The following KCNQ1 variants were observed in gnomAD, a reference collection of about 807,000 sequenced individuals.
The protein encoded by KCNQ1 is potassium voltage-gated channel subfamily Q member 1.
KCNQ1 carries 49 observed loss-of-function variants against 72.4 expected under a neutral mutation model. The ratio of observed to expected loss-of-function variants is 0.68; its 90% CI spans 0.54 to 0.86. KCNQ1 has a LOEUF of 0.86. Among genes scored for constraint, KCNQ1 ranks in the 40% least tolerant of loss-of-function variants. KCNQ1 has a pLI of 0.00. For synonymous variants in KCNQ1, 450 were observed against 412.6 expected, an observed-to-expected ratio of 1.09 and a Z score of -1.10; for missense variants, 790 against 945.1, an observed-to-expected ratio of 0.84 and a Z score of 2.15.
At position 2,691,101 on chromosome 11, in the gene KCNQ1, A is replaced by G; in HGVS notation, c.1514+29020A>G. ...TCTAGATGCCTGCAGATTCCTGACA[A>G]CAGTAGGGGTGGAGGCTGTGCAGAC... On this transcript the variant is annotated intron_variant, in intron 11 of 15. Coordinates refer to ENST00000155840, the MANE Select transcript of KCNQ1 (RefSeq NM_000218.3). This position sits in a 1 kb window ranked among gnomAD's most constrained non-coding sequence, Gnocchi z 6.4. 2.5e-6 allele frequency: 1 copy of G among 398,696 alleles called. No homozygotes were observed. The allele number at this position is 398,696 out of a possible 1,614,324, so 24.7% of individuals were successfully genotyped here. A position where few individuals can be genotyped will look rare whatever the true frequency, so the allele number is the denominator to read the frequency against.
rs1848761189 is a variant in KCNQ1 at position 2,598,523 on chromosome 11, A to G, written c.1393+9669A>G. Among the ~76,000 whole-genome samples, 1 of 151,718 alleles carries G rather than the reference A, an allele frequency of 6.6e-6. No homozygotes were observed. Among genetic ancestry groups the G allele is most frequent in the South Asian group, 2.1e-4 (1 of 4,808 alleles). Reference sequence around the variant, plus strand: ...TTGTATAACACAAAGTTTTATTTGTATACATGGACAGACAAAATGTACATT... The same window carrying G: ...TTGTATAACACAAAGTTTTATTTGTGTACATGGACAGACAAAATGTACATT... On this transcript the variant is annotated intron_variant, in intron 10 of 15. Coordinates refer to ENST00000155840, the MANE Select transcript of KCNQ1 (RefSeq NM_000218.3). This position sits in a 1 kb window ranked among gnomAD's most constrained non-coding sequence, Gnocchi z 6.2.
At chr11:2,636,837 CTA>C (rs1849476220) in intron 10 of KCNQ1, 1 of 152,164 alleles carries the variant, frequency 6.6e-6, no homozygotes, top group African/African-American at 2.4e-5. Flanking sequence ...GGTTGGTAGA[CTA>C]TTAATTATTG....
Position 2,767,350 on chromosome 11 carries a change from C to A in KCNQ1, c.1515-1494C>A, listed in dbSNP as rs148518819. ...TTCCAAAAGGACATGAATTATATAC[C>A]GTGTACATTCCCCAGTACTCTTTCA... On this transcript the variant is annotated intron_variant, in intron 11 of 15. Coordinates refer to ENST00000155840, the MANE Select transcript of KCNQ1 (RefSeq NM_000218.3). This position sits in a 1 kb window ranked among gnomAD's most constrained non-coding sequence, Gnocchi z 4.6. Among the ~76,000 whole-genome samples the A allele has an allele frequency of 6.6e-6, 1 of 152,096 alleles. No individual in the cohort carries two copies. Among genetic ancestry groups the A allele is most frequent in the Non-Finnish European group, 1.5e-5 (1 of 68,032 alleles).
At chr11:2,553,394 G>A (rs530097723) in intron 2 of KCNQ1, among the ~76,000 whole-genome samples, 47 of 152,206 alleles carry the variant, frequency 3.1e-4, no homozygotes, top group African/African-American at 1.1e-3. Context: ...GGTGGGAGCT[G>A]TAGGGTTTTA....
rs144129592 is a variant in KCNQ1, at chr11:2,522,021, C to T, written c.387-5907C>T. 3.3e-5 allele frequency among the ~76,000 whole-genome samples: 5 copies of T among 152,348 alleles called. No homozygotes were observed. In the East Asian group the frequency reaches 9.7e-4, roughly 29 times the overall value. ...CTCGGGCTATGACCCTGGCAGGGTTCCTGCATTCTCCTGTGTTCCCGGGCA... is the reference window on the plus strand; with the variant it reads ...CTCGGGCTATGACCCTGGCAGGGTTTCTGCATTCTCCTGTGTTCCCGGGCA... On this transcript the variant is annotated intron_variant, in intron 1 of 15. Transcript: ENST00000155840.
Position 2,678,235 on chromosome 11 carries a change from T to C in KCNQ1, c.1514+16154T>C. ...TGTGTCAGTCTTTTATGGTTTGAGGTCCTTATCTTAAATTCTGAAATAACC... is the reference window on the plus strand; with the variant it reads ...TGTGTCAGTCTTTTATGGTTTGAGGCCCTTATCTTAAATTCTGAAATAACC... On this transcript the variant is annotated intron_variant, in intron 11 of 15. Coordinates refer to ENST00000155840, the MANE Select transcript of KCNQ1 (RefSeq NM_000218.3). The surrounding 1 kb of genome is among the most constrained non-coding windows in gnomAD (Gnocchi z 4.9). The C allele has an allele frequency of 2.5e-6, 1 of 398,408 alleles. No homozygotes were observed. Among genetic ancestry groups the C allele is most frequent in the East Asian group, 3.6e-5 (1 of 28,004 alleles). 24.7% of individuals were successfully genotyped at this position (398,408 alleles called of 1,614,324 possible). A position where few individuals can be genotyped will look rare whatever the true frequency, so the allele number is the denominator to read the frequency against.
intron 11 of KCNQ1, chr11:2,699,664 G>A (rs529598356): frequency 2.2e-5 from 8 of 358,584 alleles, no homozygotes; most frequent in Admixed American, 1.9e-4. Context: ...AAGAACCCCC[G>A]GGGAGAACCG....
intron 11 of KCNQ1, among the ~76,000 whole-genome samples, chr11:2,737,261 G>C (rs942224994): frequency 6.6e-6 from 1 of 152,182 alleles, no homozygotes; most frequent in African/African-American, 2.4e-5. Flanking sequence ...AGAAGTGAAG[G>C]GGTGCCGGTG....
At chr11:2,719,027 C>T (rs1460892891) in intron 11 of KCNQ1, among the ~76,000 whole-genome samples, 1 of 152,238 alleles carries the variant, frequency 6.6e-6, no homozygotes, top group African/African-American at 2.4e-5. Flanking sequence ...TACTCATCTA[C>T]GCTTGTGACC....
intron 1 of KCNQ1, among the ~76,000 whole-genome samples, chr11:2,519,773 GCC>G (rs35000098): frequency 2.4e-4 from 22 of 92,350 alleles, no homozygotes; most frequent in Admixed American, 1.1e-3. Context: ...GCAGGTGTTG[GCC>G]CCCCCCCACA....
intron 11 of KCNQ1, chr11:2,672,065 G>A (rs1272401971): frequency 2.5e-6 from 1 of 398,550 alleles, no homozygotes; most frequent in Non-Finnish European, 4.4e-6. Context: ...ATCCTCCCCT[G>A]GTCCCTGGTC....
At chr11:2,548,190 G>A (rs1847927363) in intron 2 of KCNQ1, among the ~76,000 whole-genome samples, 1 of 152,206 alleles carries the variant, frequency 6.6e-6, no homozygotes, top group African/African-American at 2.4e-5. Flanking sequence ...CAGACCCGAG[G>A]TCCCAGGGTC....
intron 1 of KCNQ1, among the ~76,000 whole-genome samples, chr11:2,499,868 C>T (rs375874639): frequency 1.2e-4 from 19 of 152,308 alleles, no homozygotes; most frequent in African/African-American, 2.6e-4. Flanking sequence ...GAGAAGAATA[C>T]ACATTCTCCT....
At chr11:2,811,060 C>T (rs1847476302) in intron 15 of KCNQ1, among the ~76,000 whole-genome samples, 1 of 152,240 alleles carries the variant, frequency 6.6e-6, no homozygotes, top group Admixed American at 6.5e-5. Flanking sequence ...GTCTTGGCAC[C>T]CTTACAGCCC....
At position 2,567,714 on chromosome 11, in the gene KCNQ1, C is replaced by G. The variant is rs968744469; in HGVS notation, c.478-2914C>G. ...GCAGCCTTGCACTGCCTTCCCACAT[C>G]CAGCTGGATTTGGGGATCAGTGTTG... On this transcript the variant is annotated intron_variant, in intron 2 of 15. Transcript: ENST00000155840. This position sits in a 1 kb window ranked among gnomAD's most constrained non-coding sequence, Gnocchi z 6.6. Among the ~76,000 whole-genome samples the G allele has an allele frequency of 5.3e-5, 8 of 152,226 alleles. No individual in the cohort carries two copies. Among genetic ancestry groups the G allele is most frequent in the African/African-American group, 1.4e-4 (6 of 41,462 alleles).
At chr11:2,717,322 A>G (rs1851109715) in intron 11 of KCNQ1, among the ~76,000 whole-genome samples, 1 of 152,180 alleles carries the variant, frequency 6.6e-6, no homozygotes, top group African/African-American at 2.4e-5. Flanking sequence ...GAGAGCCTCG[A>G]CAGCCAGGCC....
At chr11:2,743,463 G>T (rs1846089206) in intron 11 of KCNQ1, among the ~76,000 whole-genome samples, 1 of 152,232 alleles carries the variant, frequency 6.6e-6, no homozygotes, top group Non-Finnish European at 1.5e-5. Context: ...GGCCCAAGAT[G>T]TCAGTTTGCC....
Position 2,663,635 on chromosome 11 carries a change from A to C in KCNQ1, c.1514+1554A>C, listed in dbSNP as rs1850009801. Reference sequence around the variant, plus strand: ...CACGGACCAGCATCCAGACATGCAAAAAGTCCTACTGGGAGGAGAGGGCCA... The same window carrying C: ...CACGGACCAGCATCCAGACATGCAACAAGTCCTACTGGGAGGAGAGGGCCA... On this transcript the variant is annotated intron_variant, in intron 11 of 15. Coordinates refer to ENST00000155840, the MANE Select transcript of KCNQ1 (RefSeq NM_000218.3). This position sits in a 1 kb window ranked among gnomAD's most constrained non-coding sequence, Gnocchi z 5.2. 2.5e-6 allele frequency: 1 copy of C among 398,640 alleles called. No homozygotes were observed. The highest frequency in any genetic ancestry group is 4.4e-6 in the Non-Finnish European group (1 of 226,096). The allele number at this position is 398,640 out of a possible 1,614,324, so 24.7% of individuals were successfully genotyped here. A position where few individuals can be genotyped will look rare whatever the true frequency, so the allele number is the denominator to read the frequency against.
chr11:2,766,901 G>A lies in KCNQ1; in HGVS notation c.1515-1943G>A, dbSNP rs191388412. Among the ~76,000 whole-genome samples the A allele has an allele frequency of 9.2e-5, 14 of 152,264 alleles. No individual in the cohort carries two copies. Among genetic ancestry groups the A allele is most frequent in the African/African-American group, 2.9e-4 (12 of 41,540 alleles). Reference sequence around the variant, plus strand: ...TGGCTTCAAATATTTTCTTTGGGCCGGGCATGGTGGCTCATGCCTGTAATC... The same window carrying A: ...TGGCTTCAAATATTTTCTTTGGGCCAGGCATGGTGGCTCATGCCTGTAATC... On this transcript the variant is annotated intron_variant, in intron 11 of 15. Coordinates refer to ENST00000155840, the MANE Select transcript of KCNQ1 (RefSeq NM_000218.3). This position sits in a 1 kb window ranked among gnomAD's most constrained non-coding sequence, Gnocchi z 4.4.
Sources: gnomAD v4.1 joint callset for allele counts (sites outside exome capture counted in the v4.1 genomes callset) on GRCh38, gnomAD v4.1.1 for gene constraint, Gnocchi (gnomAD v3.1) non-coding constraint, MANE v1.5 for transcripts, NCBI Gene and HGNC (gene_info 2026-07-23, HGNC 2026-07-21) for gene names.